Variants in EPB41L1 observed in about 807,000 individuals in gnomAD.
The protein encoded by EPB41L1 is band 4.1-like protein 1.
EPB41L1 carries 29 observed loss-of-function variants against 97.8 expected under a neutral mutation model. The ratio of observed to expected loss-of-function variants is 0.30; its 90% CI spans 0.22 to 0.40. The LOEUF (loss-of-function observed/expected upper bound fraction) is 0.40, where lower values mean the gene tolerates loss of function less well. Among genes scored for constraint, EPB41L1 ranks in the 10% least tolerant of loss-of-function variants. The pLI, the probability that EPB41L1 is intolerant of heterozygous loss-of-function variation, is 1.00. For missense variants in EPB41L1, 812 were observed against 1,162.3 expected, an observed-to-expected ratio of 0.70 and a Z score of 4.38; for synonymous variants, 383 against 459.2, an observed-to-expected ratio of 0.83 and a Z score of 2.12.
At chr20:36,196,817 T>G (rs2062226006) in intron 13 of EPB41L1, among the ~76,000 whole-genome samples, 1 of 152,216 alleles carries the variant, frequency 6.6e-6, no homozygotes, top group Admixed American at 6.5e-5. Flanking sequence ...AGCCACCACT[T>G]TGCCCCAGAA....
chr20:36,194,141 C>T, intron 11 of EPB41L1, 71 bp from the exon 12 acceptor site: 1 of 1,604,588 alleles, frequency 6.2e-7, no homozygotes, highest in Non-Finnish European at 8.5e-7. Flanking sequence ...TTGGGCAGGG[C>T]TGGGCTGGTT....
At chr20:36,178,758 T>C in intron 5 of EPB41L1, 86 bp downstream of exon 5, 6 of 1,416,234 alleles carry the variant, frequency 4.2e-6, no homozygotes, top group Non-Finnish European at 6.0e-6. Context: ...CTCTCCTCCT[T>C]TGGAAAGTGC....
Position 36,229,453 on chromosome 20 carries a change from C to T in EPB41L1, c.*113C>T. The T allele has an allele frequency of 1.0e-6, 1 of 987,970 alleles. No individual in the cohort carries two copies. The highest frequency in any genetic ancestry group is 1.6e-6 in the Non-Finnish European group (1 of 610,686). The allele number at this position is 987,970 out of a possible 1,614,324, so 61.2% of individuals were successfully genotyped here. ...ACACTGACGTCCCAGCTGCGACGTA[C>T]TGTCACTGATGAGAGACTGGGAAGG... On this transcript the variant is annotated 3_prime_UTR_variant, in exon 22 of 22. Coordinates refer to ENST00000338074, the MANE Select transcript of EPB41L1 (RefSeq NM_012156.2).
At chr20:36,208,165 C>T (rs540057746) in intron 14 of EPB41L1, 1 of 323,666 alleles carries the variant, frequency 3.1e-6, no homozygotes, top group Admixed American at 4.4e-5. Context: ...TTTCTTCATC[C>T]TTTCCCATCC....
chr20:36,150,393 A>G (rs189154068), upstream of EPB41L1: 10 of 152,248 alleles, frequency 6.6e-5, no homozygotes, highest in Admixed American at 6.5e-4. Flanking sequence ...TTGGTATGAA[A>G]TCTTCAAAAT....
chr20:36,164,214 A>G (rs1317446147), intron 1 of EPB41L1, among the ~76,000 whole-genome samples: 2 of 152,154 alleles, frequency 1.3e-5, no homozygotes, highest in South Asian at 2.1e-4. Context: ...GGACAGTCCA[A>G]TGGGCCAGCC....
At chr20:36,168,354 T>C (rs572628482) in intron 1 of EPB41L1, among the ~76,000 whole-genome samples, 128 of 152,294 alleles carry the variant, frequency 8.4e-4, no homozygotes, top group African/African-American at 2.9e-3. Flanking sequence ...CATATGTTAG[T>C]GTCATCAGTC....
intron 1 of EPB41L1, among the ~76,000 whole-genome samples, chr20:36,102,133 T>C (rs2058040728): frequency 6.6e-6 from 1 of 150,768 alleles, no homozygotes; most frequent in Non-Finnish European, 1.5e-5. Flanking sequence ...GGGCGTCAGA[T>C]CCGAGGTAGG....
chr20:36,153,611 A>C (rs1011178052), upstream of EPB41L1, among the ~76,000 whole-genome samples: 47 of 152,182 alleles, frequency 3.1e-4, no homozygotes, highest in African/African-American at 1.1e-3. Flanking sequence ...TGCTGCGGTT[A>C]CCCACCATTC....
At chr20:36,096,460 C>T (rs896850179) in intron 1 of EPB41L1, among the ~76,000 whole-genome samples, 5 of 152,242 alleles carry the variant, frequency 3.3e-5, no homozygotes, top group African/African-American at 4.8e-5. Flanking sequence ...GCCCACTTCT[C>T]TGGACAACAG....
intron 1 of EPB41L1, among the ~76,000 whole-genome samples, chr20:36,165,264 G>A (rs1208284723): frequency 1.3e-5 from 2 of 152,082 alleles, no homozygotes; most frequent in East Asian, 3.9e-4. Context: ...TTACAGGCAT[G>A]AGCCACCGCG....
At chr20:36,160,870 T>C (rs569783907) in intron 1 of EPB41L1, among the ~76,000 whole-genome samples, 3 of 152,354 alleles carry the variant, frequency 2.0e-5, no homozygotes, top group African/African-American at 7.2e-5. Flanking sequence ...CTTTCATAAT[T>C]AAATTTTTAA....
At chr20:36,120,524 CT>C (rs770739823) in intron 2 of EPB41L1, among the ~76,000 whole-genome samples, 30 of 152,172 alleles carry the variant, frequency 2.0e-4, no homozygotes, top group Non-Finnish European at 3.2e-4. Context: ...ATTTCTGAAG[CT>C]CTAGGCCAAC....
intron 2 of EPB41L1, among the ~76,000 whole-genome samples, chr20:36,136,712 A>T (rs1001276456): frequency 6.6e-6 from 1 of 151,354 alleles, no homozygotes; most frequent in Non-Finnish European, 1.5e-5. Flanking sequence ...CAGCCTCCTG[A>T]GTAGCTGGGG....
At chr20:36,166,480 T>G (rs1437467087) in intron 1 of EPB41L1, among the ~76,000 whole-genome samples, 1 of 152,210 alleles carries the variant, frequency 6.6e-6, no homozygotes. Context: ...CTGGGGATAA[T>G]GGCTAACCAG....
intron 6 of EPB41L1, 125 bp from the exon 7 acceptor site, chr20:36,184,992 G>A (rs945508190): frequency 7.8e-6 from 7 of 902,814 alleles, no homozygotes; most frequent in East Asian, 2.6e-5. Context: ...TATATGAAGC[G>A]CCAATGTCTA....
At chr20:36,183,325 T>C (rs1163706617) in intron 6 of EPB41L1, among the ~76,000 whole-genome samples, 2 of 152,244 alleles carry the variant, frequency 1.3e-5, no homozygotes, top group Non-Finnish European at 2.9e-5. Flanking sequence ...TGCCAGGCCA[T>C]CGACCAAAGG....
chr20:36,204,512 C>CTTTTTTTTTTTTTTTTTT (rs2062689034), intron 14 of EPB41L1, among the ~76,000 whole-genome samples: 1 of 99,630 alleles, frequency 1.0e-5, no homozygotes, highest in African/African-American at 4.3e-5. Flanking sequence ...TGGAGTTTTG[C>CTTTTTTTTTTTTTTTTTT]TCTTGTTGCC....
At chr20:36,158,084 A>T (rs1171369533) in intron 1 of EPB41L1, among the ~76,000 whole-genome samples, 3 of 152,190 alleles carry the variant, frequency 2.0e-5, no homozygotes, top group Non-Finnish European at 4.4e-5. Context: ...TTCCCGTTTT[A>T]CAGATTGATG....
Sources: allele counts gnomAD v4.1 joint callset (sites outside exome capture counted in the v4.1 genomes callset), GRCh38; gene constraint gnomAD v4.1.1; transcripts MANE v1.5; gene names NCBI Gene and HGNC (gene_info 2026-07-23, HGNC 2026-07-21).